CNBD1: variants seen among roughly 807,000 people sequenced by gnomAD.
CNBD1 encodes the protein cyclic nucleotide-binding domain-containing protein 1.
A neutral mutation model predicts 54.4 loss-of-function variants in CNBD1; 71 were observed. The ratio of observed to expected loss-of-function variants is 1.30; its 90% CI spans 1.08 to 1.59. The LOEUF is 1.59. CNBD1 is among the 40% of genes most tolerant of loss of function. The pLI is 0.00. For synonymous variants in CNBD1, 182 were observed against 170.7 expected (o/e 1.07, Z -0.51); for missense variants, 659 against 518.0 (o/e 1.27, Z -2.64).
At chr8:87,420,388 G>A (rs1044219593) in intron 2 of CNBD1, among the ~76,000 whole-genome samples, 1 of 151,984 alleles carries the variant, frequency 6.6e-6, no homozygotes, top group African/African-American at 2.4e-5. Context: ...ACAAAGAAAA[G>A]GAAACAATCA....
At chr8:87,410,314 A>C (rs1807720090) in intron 2 of CNBD1, among the ~76,000 whole-genome samples, 1 of 152,184 alleles carries the variant, frequency 6.6e-6, no homozygotes, top group Non-Finnish European at 1.5e-5. Flanking sequence ...ATTAGGATAT[A>C]GCTCCCATAG....
intron 8 of CNBD1, among the ~76,000 whole-genome samples, chr8:87,342,212 G>A (rs2073772610): frequency 6.6e-6 from 1 of 151,708 alleles, no homozygotes; most frequent in Non-Finnish European, 1.5e-5. Context: ...GGCAGAGCTT[G>A]CAGTGAGCTG....
In CNBD1 at chr8:87,292,597, T is replaced by C. The variant is rs564313775; in HGVS notation, c.1042+5926T>C. The stretch of plus-strand genomic sequence containing the variant: ...ATACAACTGTAAGAAAAAATTTTGG[T>C]GAATGATGAATACTGTAGATTATAT... On this transcript the variant is annotated intron_variant, in intron 8 of 10. Transcript: ENST00000518476. Among the ~76,000 whole-genome samples, 18 of 152,268 alleles carry C rather than the reference T, an allele frequency of 1.2e-4. No homozygotes were observed. The South Asian group carries it at 3.7e-3, about 32-fold the overall frequency.
intron 2 of CNBD1, among the ~76,000 whole-genome samples, chr8:87,399,683 T>A (rs118005854): frequency 6.6e-6 from 1 of 151,952 alleles, no homozygotes; most frequent in Admixed American, 6.6e-5. Flanking sequence ...CAGAACAGGA[T>A]CCTAAGGCAT....
intron 8 of CNBD1, among the ~76,000 whole-genome samples, chr8:87,316,289 T>C (rs914783148): frequency 2.6e-5 from 4 of 151,986 alleles, no homozygotes; most frequent in African/African-American, 7.2e-5. Flanking sequence ...AATGAAAAGA[T>C]AGTTTCTAAA....
chr8:87,053,905 AC>A (rs1354735386), intron 4 of CNBD1, among the ~76,000 whole-genome samples: 1 of 152,052 alleles, frequency 6.6e-6, no homozygotes, highest in African/African-American at 2.4e-5. Context: ...CAAACATAAA[AC>A]CCCTCTTTCT....
intron 8 of CNBD1, among the ~76,000 whole-genome samples, chr8:87,294,325 G>A (rs1290513773): frequency 6.6e-6 from 1 of 152,100 alleles, no homozygotes; most frequent in African/African-American, 2.4e-5. Context: ...ATACATGTTG[G>A]GGATGTTCTG....
chr8:86,896,876 A>G (rs1203146496), intron 2 of CNBD1, among the ~76,000 whole-genome samples: 1 of 152,214 alleles, frequency 6.6e-6, no homozygotes, highest in Non-Finnish European at 1.5e-5. Flanking sequence ...AAATAACCCA[A>G]TAGAAAAATG....
chr8:87,104,430 C>A (rs1252318147), intron 4 of CNBD1, among the ~76,000 whole-genome samples: 1 of 152,198 alleles, frequency 6.6e-6, no homozygotes, highest in Non-Finnish European at 1.5e-5. Context: ...TACTGAATTA[C>A]TTGCTTCCAG....
intron 6 of CNBD1, among the ~76,000 whole-genome samples, chr8:87,282,709 T>G (rs1002211841): frequency 6.6e-6 from 1 of 152,066 alleles, no homozygotes; most frequent in Non-Finnish European, 1.5e-5. Context: ...AAAGCCTTAA[T>G]ATTATTCAAA....
chr8:87,370,246 A>G (rs1810749369), intron 10 of CNBD1, among the ~76,000 whole-genome samples: 1 of 152,036 alleles, frequency 6.6e-6, no homozygotes, highest in South Asian at 2.1e-4. Flanking sequence ...TATACCCAGT[A>G]ATGGGATGGC....
chr8:87,038,456 T>C (rs1472830880), intron 4 of CNBD1, among the ~76,000 whole-genome samples: 2 of 152,152 alleles, frequency 1.3e-5, no homozygotes, highest in Non-Finnish European at 2.9e-5. Context: ...GGTCCTCTTC[T>C]GGATGGGGCC....
rs886559139 is a variant in CNBD1 at position 87,324,155 on chromosome 8, A to G, written c.1043-27530A>G. On this transcript the variant is annotated intron_variant, in intron 8 of 10. Transcript: ENST00000518476. ...GCCTTGCATCCCAGGGATGAAGCCC[A>G]CTTGATCATGGTGGATAAGCTTTTT... 2.0e-4 allele frequency among the ~76,000 whole-genome samples: 25 copies of G among 124,838 alleles called. 2 individuals carry two copies. Among genetic ancestry groups the G allele is most frequent in the African/African-American group, 6.9e-4 (23 of 33,458 alleles). 81.9% of individuals were successfully genotyped at this position (124,838 alleles called of 152,430 possible).
rs761422802 is a variant in CNBD1, at chr8:87,166,379, C to A, written c.432-39614C>A. Among the ~76,000 whole-genome samples the A allele has an allele frequency of 5.9e-5, 9 of 151,920 alleles. No individual in the cohort carries two copies. The highest frequency in any genetic ancestry group is 4.8e-5 in the African/African-American group (2 of 41,404). ...GCTTCTCGCTTTGATACTTCAATAG[C>A]CTCCTTGGCAGGTTTGTATCTTCCA... On this transcript the variant is annotated intron_variant, in intron 4 of 10. Transcript: ENST00000518476. The surrounding 1 kb of genome is among the most constrained non-coding windows in gnomAD (Gnocchi z 4.3).
At chr8:87,081,742 G>A (rs1056600103) in intron 4 of CNBD1, among the ~76,000 whole-genome samples, 3 of 151,986 alleles carry the variant, frequency 2.0e-5, no homozygotes, top group African/African-American at 7.2e-5. Flanking sequence ...TCTTGACCTC[G>A]TGATCTGCCT....
chr8:87,356,122 A>G (rs1437683736), intron 10 of CNBD1, among the ~76,000 whole-genome samples: 1 of 152,168 alleles, frequency 6.6e-6, no homozygotes, highest in African/African-American at 2.4e-5. Context: ...GCAAACTGTG[A>G]GCCAAATAAA....
At chr8:87,280,954 T>C (rs1230941217) in intron 6 of CNBD1, among the ~76,000 whole-genome samples, 1 of 150,576 alleles carries the variant, frequency 6.6e-6, no homozygotes, top group Non-Finnish European at 1.5e-5. Flanking sequence ...ATTATCTATG[T>C]AGCCTTAATA....
At chr8:87,225,588 G>A (rs1035414479) in intron 5 of CNBD1, among the ~76,000 whole-genome samples, 1 of 152,090 alleles carries the variant, frequency 6.6e-6, no homozygotes, top group African/African-American at 2.4e-5. Context: ...CAGGGATGAA[G>A]CCCACTTGAT....
At chr8:87,280,140 C>T (rs558380208) in intron 6 of CNBD1, among the ~76,000 whole-genome samples, 5 of 151,526 alleles carry the variant, frequency 3.3e-5, no homozygotes, top group Admixed American at 6.6e-5. Context: ...ACTTTACCTT[C>T]CAGATATCAG....
Sources: allele counts gnomAD v4.1 joint callset (sites outside exome capture counted in the v4.1 genomes callset), GRCh38; gene constraint gnomAD v4.1.1; non-coding constraint Gnocchi (gnomAD v3.1); transcripts MANE v1.5; gene names NCBI Gene and HGNC (gene_info 2026-07-23, HGNC 2026-07-21).